Variants in DISC1 observed in about 807,000 individuals in gnomAD.
DISC1 encodes the protein disrupted in schizophrenia 1 protein.
In DISC1, 57 loss-of-function variants were observed where a neutral mutation model predicts 84.5. The observed-to-expected ratio is 0.67, with a 90% CI of 0.55 to 0.84. The LOEUF is 0.84. Among genes scored for constraint, DISC1 ranks in the 40% least tolerant of loss-of-function variants. DISC1 has a pLI of 0.00. For missense variants in DISC1, 1,000 were observed against 1,057.8 expected, an observed-to-expected ratio of 0.95 and a Z score of 0.76; for synonymous variants, 411 against 415.2, an observed-to-expected ratio of 0.99 and a Z score of 0.12.
At chr1:231,965,023 C>T (rs1660902194) in intron 10 of DISC1, among the ~76,000 whole-genome samples, 1 of 152,190 alleles carries the variant, frequency 6.6e-6, no homozygotes, top group Non-Finnish European at 1.5e-5. Flanking sequence ...ATAGCACTAT[C>T]TTTGTTACTC....
chr1:231,818,494 T>C lies in DISC1; in HGVS notation c.1958T>C (p.Val653Ala). The C allele has an allele frequency of 6.2e-7, 1 of 1,614,106 alleles. No individual in the cohort carries two copies. The highest frequency in any genetic ancestry group is 1.1e-5 in the South Asian group (1 of 91,076). The stretch of plus-strand genomic sequence containing the variant: ...GATTACAACAGACTGAGAAGAGAAG[T>C]GGAGCACCAGGAGACTGCCTATGGT... ...KEDYNRLRREVEHQETAYETS... is the reference protein window; with the variant it reads ...KEDYNRLRREAEHQETAYETS... The change falls in exon 9 of 13, where the codon GTG (valine) becomes GCG (alanine). Residue 653 changes from valine to alanine, a missense_variant. Transcript: ENST00000439617.
At chr1:231,835,608 CAG>C (rs1394859079) in intron 9 of DISC1, among the ~76,000 whole-genome samples, 1 of 152,192 alleles carries the variant, frequency 6.6e-6, no homozygotes, top group Non-Finnish European at 1.5e-5. Flanking sequence ...TTGCAGGTCA[CAG>C]GGGATATGAT....
intron 11 of DISC1, among the ~76,000 whole-genome samples, chr1:232,019,032 C>G (rs950726893): frequency 2.0e-4 from 30 of 152,294 alleles, no homozygotes; most frequent in Middle Eastern, 3.4e-3. Context: ...ATACAGGAGT[C>G]TCCATTCATT....
At chr1:231,871,702 G>A (rs1430777499) in intron 9 of DISC1, among the ~76,000 whole-genome samples, 1 of 152,198 alleles carries the variant, frequency 6.6e-6, no homozygotes, top group African/African-American at 2.4e-5. Context: ...ACTGTGGAGA[G>A]TGTGATTTTC....
At chr1:231,769,917 T>G (rs2076427425) in intron 5 of DISC1, among the ~76,000 whole-genome samples, 1 of 152,084 alleles carries the variant, frequency 6.6e-6, no homozygotes, top group Non-Finnish European at 1.5e-5. Flanking sequence ...AGGCATTACT[T>G]TTTTCTTAGA....
At chr1:231,650,530 A>G (rs190461400) in intron 1 of DISC1, among the ~76,000 whole-genome samples, 209 of 152,212 alleles carry the variant, frequency 1.4e-3, no homozygotes, top group Non-Finnish European at 2.4e-3. Context: ...GAATCTGACA[A>G]TTATATGTCT....
At chr1:231,902,467 G>C (rs1159895810) in intron 9 of DISC1, among the ~76,000 whole-genome samples, 1 of 152,010 alleles carries the variant, frequency 6.6e-6, no homozygotes, top group African/African-American at 2.4e-5. Context: ...CAGGTGTGGT[G>C]GTGCATGCTT....
intron 9 of DISC1, among the ~76,000 whole-genome samples, chr1:231,836,159 T>C (rs2082616039): frequency 6.6e-6 from 1 of 152,242 alleles, no homozygotes; most frequent in African/African-American, 2.4e-5. Flanking sequence ...CATCTCATGT[T>C]TTGTACTTCA....
At chr1:232,001,244 A>T (rs1339500581) in intron 10 of DISC1, among the ~76,000 whole-genome samples, 1 of 152,046 alleles carries the variant, frequency 6.6e-6, no homozygotes, top group Non-Finnish European at 1.5e-5. Flanking sequence ...GTGTCCAGCT[A>T]ATTTTTGCAT....
intron 1 of DISC1, among the ~76,000 whole-genome samples, chr1:231,654,701 T>A (rs543978726): frequency 9.8e-5 from 15 of 152,340 alleles, no homozygotes; most frequent in African/African-American, 3.4e-4. Flanking sequence ...GTAACTGAGA[T>A]CATGCAGTAT....
rs10465710 is a variant in DISC1, at chr1:231,794,047, G to A, written c.1635-1195G>A. Reference sequence around the variant, plus strand: ...GATCCACCCCCCAAGGCCTCCCAAAGTGCTGGAATTACAGGCGTGAGCCAC... The same window carrying A: ...GATCCACCCCCCAAGGCCTCCCAAAATGCTGGAATTACAGGCGTGAGCCAC... On this transcript the variant is annotated intron_variant, in intron 6 of 12. Transcript: ENST00000439617. Among the ~76,000 whole-genome samples, 722 of 152,298 alleles carry A rather than the reference G, an allele frequency of 4.7e-3. 5 individuals are homozygous for A. Among genetic ancestry groups the A allele is most frequent in the African/African-American group, 0.017 (708 of 41,570 alleles).
chr1:231,811,813 C>G (rs995270326), intron 8 of DISC1, among the ~76,000 whole-genome samples: 2 of 152,202 alleles, frequency 1.3e-5, no homozygotes, highest in Non-Finnish European at 2.9e-5. Context: ...GTTCAGCAAT[C>G]TCGCATGGGA....
intron 7 of DISC1, among the ~76,000 whole-genome samples, chr1:231,798,795 A>G (rs2078969734): frequency 6.6e-6 from 1 of 152,200 alleles, no homozygotes; most frequent in Non-Finnish European, 1.5e-5. Flanking sequence ...TATAAAAAAG[A>G]TGTTGGAAAA....
At position 231,954,806 on chromosome 1, in the gene DISC1, G is replaced by A. The variant is rs1375520762; in HGVS notation, c.1982-4022G>A. On this transcript the variant is annotated intron_variant, in intron 9 of 12. Coordinates refer to ENST00000439617, the MANE Select transcript of DISC1 (RefSeq NM_018662.3). The surrounding 1 kb of genome is among the most constrained non-coding windows in gnomAD (Gnocchi z 4.8). Reference sequence around the variant, plus strand: ...ATCTAAACTCCCTGTCTACAGTCTTGGCCTGTCTTGAAGGTTGTGAGTCAA... The same window carrying A: ...ATCTAAACTCCCTGTCTACAGTCTTAGCCTGTCTTGAAGGTTGTGAGTCAA... Among the ~76,000 whole-genome samples, 1 of 152,198 alleles carries A rather than the reference G, an allele frequency of 6.6e-6. No homozygotes were observed. The highest frequency in any genetic ancestry group is 6.5e-5 in the Admixed American group (1 of 15,284).
chr1:231,656,299 ATGT>A (rs2061060858), intron 1 of DISC1, among the ~76,000 whole-genome samples: 1 of 152,118 alleles, frequency 6.6e-6, no homozygotes, highest in African/African-American at 2.4e-5. Flanking sequence ...ATTCTTCTAC[ATGT>A]TGCTATTTAG....
At chr1:231,958,920 C>G in intron 10 of DISC1, 32 bp downstream of exon 10, 1 of 1,598,506 alleles carries the variant, frequency 6.3e-7, no homozygotes, top group Non-Finnish European at 8.5e-7. Flanking sequence ...TTTCAGACTC[C>G]GTAGCACATC....
chr1:231,992,920 A>G (rs1665417883), intron 10 of DISC1, among the ~76,000 whole-genome samples: 1 of 152,196 alleles, frequency 6.6e-6, no homozygotes. Flanking sequence ...TAAAAAATGA[A>G]TACGAAATAT....
In DISC1 at chr1:231,702,460, C is replaced by T. The variant is rs1340921488; in HGVS notation, c.1117+436C>T. The T allele has an allele frequency of 1.6e-5, 16 of 986,972 alleles. No individual in the cohort carries two copies. In the South Asian group the frequency reaches 2.3e-4, roughly 14 times the overall value. 61.1% of individuals were successfully genotyped at this position (986,972 alleles called of 1,614,324 possible). ...TAAACTTAAGCCTTCATGGGGCTCT[C>T]TGACTTCATAATTTCCAGAACCAGA... On this transcript the variant is annotated intron_variant, in intron 3 of 12. Coordinates refer to ENST00000439617, the MANE Select transcript of DISC1 (RefSeq NM_018662.3).
intron 10 of DISC1, among the ~76,000 whole-genome samples, chr1:231,967,912 A>C (rs1315478965): frequency 2.0e-5 from 3 of 152,244 alleles, no homozygotes; most frequent in Non-Finnish European, 2.9e-5. Flanking sequence ...TAAAAAAGGA[A>C]GGAAAACAAA....
Sources: gnomAD v4.1 joint callset for allele counts (sites outside exome capture counted in the v4.1 genomes callset) on GRCh38, gnomAD v4.1.1 for gene constraint, Gnocchi (gnomAD v3.1) non-coding constraint, MANE v1.5 for transcripts, NCBI Gene and HGNC (gene_info 2026-07-23, HGNC 2026-07-21) for gene names.